The following NUMB variants were observed in gnomAD, a reference collection of about 807,000 sequenced individuals.
The protein encoded by NUMB is NUMB endocytic adaptor protein, also known as protein numb homolog.
Under a neutral mutation model 59.7 loss-of-function variants are expected in NUMB, and 29 were observed. The ratio of observed to expected loss-of-function variants is 0.49; its 90% confidence interval spans 0.36 to 0.66. The LOEUF is 0.66. Among genes scored for constraint, NUMB ranks in the 30% least tolerant of loss-of-function variants. The pLI, the probability that NUMB is intolerant of heterozygous loss-of-function variation, is 0.00. For synonymous variants in NUMB, 288 were observed against 288.2 expected, an observed-to-expected ratio of 1.00 and a Z score of 0.01; for missense variants, 723 against 822.0, an observed-to-expected ratio of 0.88 and a Z score of 1.47.
Position 73,282,548 on chromosome 14 carries a change from T to C in NUMB, c.950-43A>G, listed in dbSNP as rs190984600. 4.4e-4 allele frequency: 703 copies of C among 1,598,122 alleles called. 6 individuals carry two copies. In the Admixed American group the frequency reaches 0.012, roughly 26 times the overall value. The stretch of plus-strand genomic sequence containing the variant: ...AATGGCTCCAGACAGAAAAATGGAA[T>C]AATCCTGAAATTTGACAGTATGATG... On this transcript the variant is annotated intron_variant, in intron 10 of 12. Coordinates refer to ENST00000555238, the MANE Select transcript of NUMB (RefSeq NM_001005743.2).
At chr14:73,381,887 A>G (rs917914835) in intron 2 of NUMB, among the ~76,000 whole-genome samples, 8 of 152,208 alleles carry the variant, frequency 5.3e-5, no homozygotes, top group African/African-American at 1.7e-4. Context: ...CCAAAATACC[A>G]GAGAAAAATA....
chr14:73,364,857 C>A (rs894332713), intron 3 of NUMB, among the ~76,000 whole-genome samples: 2 of 152,052 alleles, frequency 1.3e-5, no homozygotes, highest in African/African-American at 4.8e-5. Context: ...AGGCTGATCT[C>A]AAACTCCTGG....
At chr14:73,382,976 T>C (rs963124980) in intron 2 of NUMB, among the ~76,000 whole-genome samples, 12 of 152,228 alleles carry the variant, frequency 7.9e-5, no homozygotes, top group African/African-American at 2.6e-4. Context: ...CAAAACCCTG[T>C]CTCTACCAAA....
chr14:73,285,938 A>C (rs1367573917), intron 9 of NUMB, among the ~76,000 whole-genome samples: 2 of 151,164 alleles, frequency 1.3e-5, no homozygotes, highest in Non-Finnish European at 2.9e-5. Flanking sequence ...AAAAAAAAAA[A>C]ACACCGAAAT....
At chr14:73,404,274 A>ATAG (rs895169946) in intron 2 of NUMB, among the ~76,000 whole-genome samples, 1 of 150,864 alleles carries the variant, frequency 6.6e-6, no homozygotes, top group African/African-American at 2.4e-5. Context: ...AATAATAATA[A>ATAG]TAATAATAAT....
At chr14:73,433,494 C>T (rs1897922537) in intron 1 of NUMB, among the ~76,000 whole-genome samples, 1 of 152,100 alleles carries the variant, frequency 6.6e-6, no homozygotes, top group Non-Finnish European at 1.5e-5. Flanking sequence ...TCATCAACTT[C>T]CTTTTTCACT....
intron 2 of NUMB, among the ~76,000 whole-genome samples, chr14:73,400,965 T>C (rs1380943131): frequency 2.6e-5 from 4 of 152,192 alleles, no homozygotes; most frequent in Non-Finnish European, 5.9e-5. Flanking sequence ...AGCAAATTAA[T>C]TGAACCAAAA....
intron 2 of NUMB, among the ~76,000 whole-genome samples, chr14:73,398,415 A>AGAGAGTGTGTGTGT (rs1438462148): frequency 5.0e-5 from 6 of 118,878 alleles, no homozygotes; most frequent in African/African-American, 1.3e-4. Flanking sequence ...AGAGAGAGAG[A>AGAGAGTGTGTGTGT]GTGTGTGTGT....
chr14:73,389,300 C>CAAAA lies in NUMB; in HGVS notation c.-101+20633_-101+20636dup, dbSNP rs1247536023. On this transcript the variant is annotated intron_variant, in intron 2 of 12. Coordinates refer to ENST00000555238, the MANE Select transcript of NUMB (RefSeq NM_001005743.2). ...AAAAAAAAAAAAAAAAAAACAAAAACAAAAACACTGGTCTCTGTTTTATAC... is the reference window on the plus strand; with the variant it reads ...AAAAAAAAAAAAAAAAAAACAAAAACAAAAAAAAACACTGGTCTCTGTTTTATAC... 4.3e-3 allele frequency among the ~76,000 whole-genome samples: 410 copies of CAAAA among 95,250 alleles called. 6 individuals are homozygous for CAAAA. Among genetic ancestry groups the CAAAA allele is most frequent in the African/African-American group, 0.015 (395 of 25,506 alleles). 62.5% of individuals were successfully genotyped at this position (95,250 alleles called of 152,430 possible).
rs1158374125 is a variant in NUMB, at chr14:73,372,287, AAT to A, written c.-100-5308_-100-5307del. Among the ~76,000 whole-genome samples the A allele has an allele frequency of 1.3e-4, 14 of 107,564 alleles. No individual in the cohort carries two copies. In the East Asian group the frequency reaches 3.4e-3, roughly 26 times the overall value. The allele number at this position is 107,564 out of a possible 152,430, so 70.6% of individuals were successfully genotyped here. ...AGGTCCTCTTAGCAAACAAAGTTGG[AAT>A]ATATATATATTTCTTTTATATATAT... is the stretch of plus-strand genomic sequence containing the variant. On this transcript the variant is annotated intron_variant, in intron 2 of 12. Transcript: ENST00000555238.
chr14:73,319,512 T>A (rs748216982), intron 5 of NUMB, among the ~76,000 whole-genome samples: 3 of 152,198 alleles, frequency 2.0e-5, no homozygotes, highest in African/African-American at 2.4e-5. Context: ...GGCTTATGCA[T>A]CCTTATATTT....
At chr14:73,446,378 C>A (rs561502229) in intron 1 of NUMB, among the ~76,000 whole-genome samples, 58 of 151,200 alleles carry the variant, frequency 3.8e-4, no homozygotes, top group Non-Finnish European at 6.6e-4. Flanking sequence ...GAGGCCAAGG[C>A]GGGTAGATCA....
At chr14:73,456,473 TAC>T (rs1884384127) in intron 1 of NUMB, among the ~76,000 whole-genome samples, 1 of 152,226 alleles carries the variant, frequency 6.6e-6, no homozygotes, top group Non-Finnish European at 1.5e-5. Context: ...AAAAAAGAAA[TAC>T]ACTTTACATT....
In NUMB at chr14:73,450,011, A is replaced by G. The variant is rs568893083; in HGVS notation, c.-233+8482T>C. On this transcript the variant is annotated intron_variant, in intron 1 of 12. Transcript: ENST00000555238. ...CCTTAAAATACCTGTAATGTTTTAAAGTCGACTCTGGTTTTCCTAGCTGCC... is the reference window on the plus strand; with the variant it reads ...CCTTAAAATACCTGTAATGTTTTAAGGTCGACTCTGGTTTTCCTAGCTGCC... 2.0e-5 allele frequency among the ~76,000 whole-genome samples: 3 copies of G among 152,304 alleles called. No individual in the cohort carries two copies. In the South Asian group the frequency reaches 6.2e-4, roughly 32 times the overall value.
rs1883452258 is a variant in NUMB, at chr14:73,445,771, G to A, written c.-233+12722C>T. ...GAAAACCAGCAAAAAGAGTTAACTTGCCTAAGAAAGCAGAGCTGAAGGTGA... is the reference window on the plus strand; with the variant it reads ...GAAAACCAGCAAAAAGAGTTAACTTACCTAAGAAAGCAGAGCTGAAGGTGA... On this transcript the variant is annotated intron_variant, in intron 1 of 12. Coordinates refer to ENST00000555238, the MANE Select transcript of NUMB (RefSeq NM_001005743.2). Among the ~76,000 whole-genome samples the A allele has an allele frequency of 2.0e-5, 3 of 152,220 alleles. No individual in the cohort carries two copies. In the East Asian group the frequency reaches 5.8e-4, roughly 29 times the overall value.
At chr14:73,300,830 G>A (rs761133311) in intron 6 of NUMB, among the ~76,000 whole-genome samples, 24 of 151,868 alleles carry the variant, frequency 1.6e-4, no homozygotes, top group Admixed American at 6.6e-4. Flanking sequence ...AACAGGCCTC[G>A]GTGTGTGATG....
rs142227412 is a variant in NUMB, at chr14:73,310,698, G to A, written c.234+5692C>T. ...CATGAACTACCCTGTCCAATTCACT[G>A]AACTGTTATGAATGGCAAATTAGAA... On this transcript the variant is annotated intron_variant, in intron 6 of 12. Transcript: ENST00000555238. 9.9e-4 allele frequency among the ~76,000 whole-genome samples: 151 copies of A among 152,258 alleles called. 1 individual carries two copies. Among genetic ancestry groups the A allele is most frequent in the African/African-American group, 2.1e-3 (89 of 41,536 alleles).
At chr14:73,405,433 CTCTTTT>C (rs1896611132) in intron 2 of NUMB, among the ~76,000 whole-genome samples, 1 of 115,182 alleles carries the variant, frequency 8.7e-6, no homozygotes, top group African/African-American at 3.0e-5. Flanking sequence ...TTTTTTCTTT[CTCTTTT>C]TTTTTTTTTT....
At position 73,398,413 on chromosome 14, in the gene NUMB, AGAGTGTGTGT is replaced by A. The variant is rs1306083527; in HGVS notation, c.-101+11514_-101+11523del. Among the ~76,000 whole-genome samples the A allele has an allele frequency of 2.8e-3, 326 of 117,762 alleles. 2 individuals are homozygous for A. The highest frequency in any genetic ancestry group is 3.8e-3 in the Non-Finnish European group (232 of 61,442). The allele number at this position is 117,762 out of a possible 152,430, so 77.3% of individuals were successfully genotyped here. A position where few individuals can be genotyped will look rare whatever the true frequency, so the allele number is the denominator to read the frequency against. The stretch of plus-strand genomic sequence containing the variant: ...CACACAGAGAGAGAGAGAGAGAGAG[AGAGTGTGTGT>A]GTGTGTGTGTGTGTGTGTGTGTGTG... On this transcript the variant is annotated intron_variant, in intron 2 of 12. Coordinates refer to ENST00000555238, the MANE Select transcript of NUMB (RefSeq NM_001005743.2).
Sources: gnomAD v4.1 joint callset for allele counts (sites outside exome capture counted in the v4.1 genomes callset) on GRCh38, gnomAD v4.1.1 for gene constraint, MANE v1.5 for transcripts, NCBI Gene and HGNC (gene_info 2026-07-23, HGNC 2026-07-21) for gene names.